The following MTARC2 variants were observed in gnomAD, a reference collection of about 807,000 sequenced individuals.
The protein encoded by MTARC2 is mitochondrial amidoxime reducing component 2, also known as MOCO sulphurase C-terminal domain containing 2.
MTARC2 carries 27 observed loss-of-function variants against 35.6 expected under a neutral mutation model. The ratio of observed to expected loss-of-function variants is 0.76; its 90% CI spans 0.56 to 1.04. The LOEUF is 1.04. Among genes scored for constraint, MTARC2 ranks in the 50% least tolerant of loss-of-function variants. The probability of loss-of-function intolerance (pLI) is 0.00; values close to 1 mark genes in which losing one functional copy is unlikely to be tolerated. For missense variants in MTARC2, 412 were observed against 432.5 expected, an observed-to-expected ratio of 0.95 and a Z score of 0.42; for synonymous variants, 158 against 167.1, an observed-to-expected ratio of 0.95 and a Z score of 0.42.
chr1:220,769,883 G>A (rs1312814947), intron 4 of MTARC2, among the ~76,000 whole-genome samples: 16 of 127,154 alleles, frequency 1.3e-4, no homozygotes, highest in African/African-American at 4.3e-4. Context: ...AAGGTTAGGA[G>A]ATCGAGACCA....
intron 5 of MTARC2, 25 bp from the exon 6 acceptor site, chr1:220,780,143 C>A (rs1329105463): frequency 2.5e-6 from 4 of 1,610,714 alleles, no homozygotes; most frequent in Non-Finnish European, 2.5e-6. Flanking sequence ...TAAGCATCAC[C>A]TAACCCTTGG....
At chr1:220,779,982 C>A (rs769385542) in intron 4 of MTARC2, 36 bp from the exon 5 acceptor site, 2 of 1,474,306 alleles carry the variant, frequency 1.4e-6, no homozygotes, top group South Asian at 2.8e-5. Context: ...GCTAATGAAG[C>A]CACCATTTAA....
chr1:220,768,034 C>T (rs370540431), intron 4 of MTARC2, among the ~76,000 whole-genome samples: 3 of 152,138 alleles, frequency 2.0e-5, no homozygotes, highest in Non-Finnish European at 2.9e-5. Flanking sequence ...CTTGAAGTAG[C>T]GGTAATGATA....
intron 2 of MTARC2, among the ~76,000 whole-genome samples, chr1:220,759,928 G>A (rs1263354599): frequency 1.3e-5 from 2 of 152,100 alleles, no homozygotes; most frequent in African/African-American, 4.8e-5. Flanking sequence ...GGGTACACAG[G>A]GGTTCATCTA....
chr1:220,762,720 C>G (rs1465579414), intron 3 of MTARC2, among the ~76,000 whole-genome samples, 190 bp from the exon 4 acceptor site: 1 of 152,158 alleles, frequency 6.6e-6, no homozygotes, highest in African/African-American at 2.4e-5. Context: ...CAGCCCTGTC[C>G]CTGTGTATGG....
At chr1:220,758,664 C>T (rs1222131139) in intron 2 of MTARC2, among the ~76,000 whole-genome samples, 1 of 152,210 alleles carries the variant, frequency 6.6e-6, no homozygotes, top group Admixed American at 6.5e-5. Context: ...AAGTATCCAC[C>T]TGCCTTGGCC....
chr1:220,781,260 T>C (rs554378886), intron 6 of MTARC2, among the ~76,000 whole-genome samples: 5 of 152,204 alleles, frequency 3.3e-5, no homozygotes, highest in Non-Finnish European at 7.3e-5. Flanking sequence ...GTTATTGTTT[T>C]CTTTAGACAG....
chr1:220,772,025 C>A (rs1022554483), intron 4 of MTARC2, among the ~76,000 whole-genome samples: 1 of 152,152 alleles, frequency 6.6e-6, no homozygotes, highest in Non-Finnish European at 1.5e-5. Context: ...GTATTAAATT[C>A]CACCATTTTC....
chr1:220,780,608 C>G (rs1672046144), intron 6 of MTARC2, among the ~76,000 whole-genome samples: 1 of 151,982 alleles, frequency 6.6e-6, no homozygotes, highest in African/African-American at 2.4e-5. Flanking sequence ...TGCCACCATG[C>G]CTGGGTGATT....
chr1:220,751,944 C>T (rs443189), intron 1 of MTARC2, among the ~76,000 whole-genome samples: 56,063 of 152,084 alleles, frequency 0.37, 13,492 homozygotes, highest in East Asian at 0.7. Context: ...TAATATTGCC[C>T]AGGTTGACAG....
intron 4 of MTARC2, among the ~76,000 whole-genome samples, chr1:220,770,113 A>ACAAAAACAAAAC (rs386639599): frequency 2.6e-5 from 4 of 152,116 alleles, no homozygotes; most frequent in African/African-American, 9.7e-5. Context: ...TCTCAAAAAA[A>ACAAAAACAAAAC]CAAAAACAAA....
At chr1:220,772,348 C>T (rs114566886) in intron 4 of MTARC2, among the ~76,000 whole-genome samples, 240 of 152,294 alleles carry the variant, frequency 1.6e-3, no homozygotes, top group African/African-American at 5.3e-3. Flanking sequence ...TGAGCATAAG[C>T]GTGCCCTTTT....
chr1:220,761,048 A>G (rs1238324434), intron 2 of MTARC2, among the ~76,000 whole-genome samples: 7 of 152,254 alleles, frequency 4.6e-5, no homozygotes, highest in African/African-American at 7.2e-5. Flanking sequence ...AGTTCTGTGA[A>G]GGGTCCATAG....
chr1:220,755,922 A>G (rs1269284112), intron 2 of MTARC2, among the ~76,000 whole-genome samples: 1 of 152,088 alleles, frequency 6.6e-6, no homozygotes, highest in Non-Finnish European at 1.5e-5. Flanking sequence ...AGAATTGTCA[A>G]CTCTCCAACC....
At chr1:220,769,483 A>AGCTTT (rs1180253228) in intron 4 of MTARC2, among the ~76,000 whole-genome samples, 6 of 152,078 alleles carry the variant, frequency 3.9e-5, no homozygotes, top group Non-Finnish European at 4.4e-5. Flanking sequence ...GGGCAGAGGG[A>AGCTTT]GCTTTTGAAG....
At chr1:220,750,924 C>T (rs1015335308) in intron 1 of MTARC2, among the ~76,000 whole-genome samples, 4 of 152,092 alleles carry the variant, frequency 2.6e-5, no homozygotes, top group Admixed American at 1.3e-4. Flanking sequence ...AGACTTTGGG[C>T]GAACTTCTAC....
intron 1 of MTARC2, among the ~76,000 whole-genome samples, chr1:220,752,425 C>A (rs1356923004): frequency 1.3e-5 from 2 of 152,068 alleles, no homozygotes; most frequent in African/African-American, 4.8e-5. Context: ...AGGGCCCAGC[C>A]CTGTGAGGCA....
At chr1:220,767,938 A>C (rs1278794645) in intron 4 of MTARC2, among the ~76,000 whole-genome samples, 1 of 152,172 alleles carries the variant, frequency 6.6e-6, no homozygotes, top group Admixed American at 6.5e-5. Flanking sequence ...AGTCCCCAGA[A>C]ACTGAGTTTG....
At chr1:220,757,359 C>G (rs1029187513) in intron 2 of MTARC2, among the ~76,000 whole-genome samples, 1 of 152,216 alleles carries the variant, frequency 6.6e-6, no homozygotes, top group Non-Finnish European at 1.5e-5. Flanking sequence ...CCCTCTCTAG[C>G]TGGTTAGACA....
Sources: allele counts gnomAD v4.1 joint callset (sites outside exome capture counted in the v4.1 genomes callset), GRCh38; gene constraint gnomAD v4.1.1; transcripts MANE v1.5; gene names NCBI Gene and HGNC (gene_info 2026-07-23, HGNC 2026-07-21).